Variants in ZNF578 observed in about 807,000 individuals in gnomAD.
ZNF578 encodes Putative chemokine-related protein B42.
In ZNF578, 8 loss-of-function variants were observed where a neutral mutation model predicts 8.3. The ratio of observed to expected loss-of-function variants is 0.96; its 90% CI spans 0.56 to 1.74. The LOEUF (loss-of-function observed/expected upper bound fraction) is 1.74. ZNF578 is among the 40% of genes most tolerant of loss of function. The probability of loss-of-function intolerance (pLI) is 0.00; values close to 1 mark genes in which losing one functional copy is unlikely to be tolerated. For synonymous variants in ZNF578, 206 were observed against 232.2 expected (o/e 0.89, Z 1.03); for missense variants, 726 against 707.5 (o/e 1.03, Z -0.30).
intron 3 of ZNF578, among the ~76,000 whole-genome samples, chr19:52,496,969 GT>G (rs775001662): frequency 6.1e-4 from 93 of 152,158 alleles, no homozygotes; most frequent in Non-Finnish European, 1.0e-3. Context: ...CACTCTTGCT[GT>G]TGTCCAGGCT....
chr19:52,458,377 C>T (rs916723389), intron 2 of ZNF578: 1 of 149,500 alleles, frequency 6.7e-6, no homozygotes, highest in African/African-American at 2.5e-5. Context: ...CAAGGTTCCC[C>T]TGTTATCCCC....
At chr19:52,496,467 C>G (rs1254710350) in intron 3 of ZNF578, among the ~76,000 whole-genome samples, 1 of 141,064 alleles carries the variant, frequency 7.1e-6, no homozygotes, top group African/African-American at 2.7e-5. Context: ...GTAGCTGGGA[C>G]TACATGCGCC....
intron 2 of ZNF578, among the ~76,000 whole-genome samples, chr19:52,485,467 C>G (rs915734160): frequency 5.9e-5 from 9 of 152,166 alleles, no homozygotes; most frequent in African/African-American, 1.9e-4. Flanking sequence ...CATTGAGCAT[C>G]GAAGCTCTGT....
At chr19:52,472,807 A>G (rs1568457460) in intron 2 of ZNF578, among the ~76,000 whole-genome samples, 1 of 152,240 alleles carries the variant, frequency 6.6e-6, no homozygotes, top group African/African-American at 2.4e-5. Flanking sequence ...AAAGTCATAA[A>G]GAGTAAAGAA....
Position 52,511,239 on chromosome 19 carries a change from T to A in ZNF578, c.858T>A (p.Pro286=), listed in dbSNP as rs145508251. 2,874 of 1,614,048 alleles carry A rather than the reference T, an allele frequency of 1.8e-3. 30 individuals are homozygous for A. In the African/African-American group the frequency reaches 0.024, roughly 13 times the overall value. The change falls in exon 6 of 6, where the codon CCT becomes CCA. Residue 286 remains proline (P), a synonymous_variant. Transcript: ENST00000421239. ...RHRRCHTSEK[P]YKCNECGKSF... ...GTAGATGTCACACTAGTGAGAAACC[T>A]TACAAGTGTAATGAATGTGGAAAGT...
At chr19:52,497,403 A>G (rs13346151) in intron 3 of ZNF578, among the ~76,000 whole-genome samples, 2,394 of 152,176 alleles carry the variant, frequency 0.016, 61 homozygotes, top group African/African-American at 0.053. Context: ...TATTTTTGGT[A>G]GAGACATAGT....
chr19:52,471,521 G>T (rs2059291720), intron 2 of ZNF578, among the ~76,000 whole-genome samples: 1 of 151,968 alleles, frequency 6.6e-6, no homozygotes, highest in Admixed American at 6.6e-5. Flanking sequence ...TGATAATAAA[G>T]CCTGAGTGCC....
At chr19:52,459,609 ATG>A (rs2059249606) in intron 2 of ZNF578, among the ~76,000 whole-genome samples, 1 of 91,244 alleles carries the variant, frequency 1.1e-5, no homozygotes, top group Non-Finnish European at 2.3e-5. Flanking sequence ...TTTAATGTGT[ATG>A]TACACACACA....
chr19:52,501,772 C>T, intron 3 of ZNF578, 55 bp from the exon 4 acceptor site: 2 of 1,572,300 alleles, frequency 1.3e-6, no homozygotes, highest in African/African-American at 1.4e-5. Flanking sequence ...GTTTTTATCA[C>T]AGGAAGGGAG....
At chr19:52,489,202 A>AT (rs1175307892) in intron 2 of ZNF578, among the ~76,000 whole-genome samples, 2 of 151,280 alleles carry the variant, frequency 1.3e-5, no homozygotes, top group East Asian at 3.9e-4. Context: ...CAGGAGAATC[A>AT]TGCCACAATA....
At position 52,491,378 on chromosome 19, in the gene ZNF578, G is replaced by C. The variant is rs529881301; in HGVS notation, c.-67G>C. 3 of 214,492 alleles carry C rather than the reference G, an allele frequency of 1.4e-5. No homozygotes were observed. In the South Asian group the frequency reaches 2.6e-4, roughly 18 times the overall value. 13.3% of individuals were successfully genotyped at this position (214,492 alleles called of 1,614,324 possible). ...GTGGGAAGATTACTTGAGCCAGGGA[G>C]TTGAAGGCTGCAGTGAGCCCTGTTT... On this transcript the variant is annotated 5_prime_UTR_variant, in exon 3 of 6. Transcript: ENST00000421239.
At chr19:52,481,987 C>T (rs1463769357) in intron 2 of ZNF578, among the ~76,000 whole-genome samples, 6 of 152,020 alleles carry the variant, frequency 3.9e-5, no homozygotes, top group Admixed American at 3.9e-4. Flanking sequence ...CCTGCCTTGG[C>T]CTCCAAAATT....
At chr19:52,475,380 CTT>C (rs2059305145) in intron 2 of ZNF578, 1 of 145,860 alleles carries the variant, frequency 6.9e-6, no homozygotes, top group African/African-American at 2.6e-5. Context: ...GAGACAGAGT[CTT>C]TCTCTGTCGC....
At chr19:52,455,276 C>T (rs1415788455) in intron 1 of ZNF578, 4 of 150,240 alleles carry the variant, frequency 2.7e-5, no homozygotes, top group East Asian at 1.9e-4. Context: ...CTTGGCTCAC[C>T]GCAACCTCTG....
chr19:52,502,159 G>A (rs957726888), intron 4 of ZNF578, among the ~76,000 whole-genome samples: 1 of 152,130 alleles, frequency 6.6e-6, no homozygotes, highest in Non-Finnish European at 1.5e-5. Context: ...CCTGGGAAGG[G>A]CTCACACCCA....
intron 2 of ZNF578, among the ~76,000 whole-genome samples, chr19:52,468,605 G>A (rs576186837): frequency 6.6e-6 from 1 of 152,268 alleles, no homozygotes; most frequent in South Asian, 2.1e-4. Context: ...TATCTAGATG[G>A]CTGATAAAGT....
At position 52,480,902 on chromosome 19, in the gene ZNF578, TAATAATAATA is replaced by T. The variant is rs2059324086; in HGVS notation, c.-121-10420_-121-10411del. 8.3e-5 allele frequency among the ~76,000 whole-genome samples: 4 copies of T among 47,944 alleles called. No individual in the cohort carries two copies. In the Admixed American group the frequency reaches 9.5e-4, roughly 11 times the overall value. 31.5% of individuals were successfully genotyped at this position (47,944 alleles called of 152,430 possible). On this transcript the variant is annotated intron_variant, in intron 2 of 5. Transcript: ENST00000421239. The stretch of plus-strand genomic sequence containing the variant: ...CAGAGTGAGACTCCATCTCAAAAGA[TAATAATAATA>T]ATAATAATAATAATAATAATAATAA...
At chr19:52,484,398 T>TA (rs2059337641) in intron 2 of ZNF578, among the ~76,000 whole-genome samples, 1 of 152,130 alleles carries the variant, frequency 6.6e-6, no homozygotes, top group South Asian at 2.1e-4. Context: ...ACAGACCCTT[T>TA]ACGGGTGTCG....
intron 2 of ZNF578, among the ~76,000 whole-genome samples, chr19:52,486,366 C>T (rs2059345750): frequency 6.6e-6 from 1 of 152,166 alleles, no homozygotes; most frequent in Non-Finnish European, 1.5e-5. Context: ...CGTCGTGGGT[C>T]CTCCGTATGC....
Sources: gnomAD v4.1 joint callset for allele counts (sites outside exome capture counted in the v4.1 genomes callset) on GRCh38, gnomAD v4.1.1 for gene constraint, MANE v1.5 for transcripts, NCBI Gene and HGNC (gene_info 2026-07-23, HGNC 2026-07-21) for gene names.